Variants in PIM2 observed in about 807,000 individuals in gnomAD.
PIM2 encodes the protein serine/threonine-protein kinase pim-2.
A neutral mutation model predicts 18.0 loss-of-function variants in PIM2; 3 were observed. The ratio of observed to expected loss-of-function variants is 0.17; its 90% CI spans 0.08 to 0.43. The LOEUF is 0.43. PIM2 is among the 20% of genes least tolerant of loss of function. The pLI, the probability that PIM2 is intolerant of heterozygous loss-of-function variation, is 0.99. For synonymous variants in PIM2, 117 were observed against 105.3 expected (o/e 1.11, Z -0.68); for missense variants, 181 against 260.8 (o/e 0.69, Z 2.11).
Position 48,913,583 on chromosome X carries a change from G to C in PIM2, c.*548C>G, listed in dbSNP as rs2063554302. The C allele has an allele frequency of 9.8e-6, 1 of 101,858 alleles. No homozygotes were observed. Among genetic ancestry groups the C allele is most frequent in the Non-Finnish European group, 2.0e-5 (1 of 49,960 alleles). 8.4% of individuals were successfully genotyped at this position (101,858 alleles called of 1,213,427 possible). A position where few individuals can be genotyped will look rare whatever the true frequency, so the allele number is the denominator to read the frequency against. ...AAAAAAAAAAAAAAAAAGAAGCCTT[G>C]GGGTAACAACAGGGCATTACCTCCC... On this transcript the variant is annotated 3_prime_UTR_variant, in exon 6 of 6. Transcript: ENST00000376509.
At chrX:48,917,465 C>T (rs1050572307) in intron 3 of PIM2, among the ~76,000 whole-genome samples, 2 of 113,388 alleles carry the variant, frequency 1.8e-5, no homozygotes, top group Admixed American at 1.8e-4. Context: ...AGCGTTATAA[C>T]GGCAAGAGAG....
chrX:48,916,131 C>T (rs1157855597), intron 3 of PIM2, among the ~76,000 whole-genome samples: 1 of 112,389 alleles, frequency 8.9e-6, no homozygotes, highest in African/African-American at 3.2e-5. Context: ...TGTTCACGGA[C>T]GTATATGAAG....
At chrX:48,915,727 A>G (rs1339809876) in intron 3 of PIM2, 1 of 181,555 alleles carries the variant, frequency 5.5e-6, no homozygotes, top group Non-Finnish European at 1.0e-5. Flanking sequence ...CTTGAGCCCA[A>G]GAGTTCAAGA....
At chrX:48,917,391 C>T (rs1557045367) in intron 3 of PIM2, among the ~76,000 whole-genome samples, 1 of 112,448 alleles carries the variant, frequency 8.9e-6, no homozygotes. Flanking sequence ...CGCAGTTTCC[C>T]CTAGAGCCCG....
intron 3 of PIM2, among the ~76,000 whole-genome samples, chrX:48,917,200 C>G (rs782365867): frequency 1.3e-3 from 144 of 111,325 alleles, no homozygotes; most frequent in Non-Finnish European, 2.4e-3. Context: ...AATCCGCCCC[C>G]CACTGCCTCC....
intron 3 of PIM2, 111 bp from the exon 4 acceptor site, chrX:48,915,503 G>A: frequency 1.3e-6 from 1 of 755,441 alleles, no homozygotes; most frequent in South Asian, 2.8e-5. Flanking sequence ...TCCTGACAGT[G>A]TGTCGCTAAG....
chrX:48,917,653 G>T, intron 3 of PIM2, 128 bp downstream of exon 3: 1 of 512,500 alleles, frequency 2.0e-6, no homozygotes, highest in South Asian at 2.8e-5. Context: ...CCCCAAGGGA[G>T]TATAAATGGG....
At position 48,916,090 on chromosome X, in the gene PIM2, C is replaced by A. The variant is rs373118978; in HGVS notation, c.223-698G>T. Among the ~76,000 whole-genome samples, 23 of 112,576 alleles carry A rather than the reference C, an allele frequency of 2.0e-4. No individual in the cohort carries two copies. The South Asian group carries it at 7.9e-3, about 39-fold the overall frequency. On this transcript the variant is annotated intron_variant, in intron 3 of 5. Transcript: ENST00000376509. The stretch of plus-strand genomic sequence containing the variant: ...TGGGCTCTGACAAGCAGTTAGCACT[C>A]AATAAACACTTATTGTGTAATGGTT...
chrX:48,914,898 T>G (rs2063558752), intron 4 of PIM2, 122 bp downstream of exon 4: 1 of 621,998 alleles, frequency 1.6e-6, no homozygotes, highest in Non-Finnish European at 2.5e-6. Flanking sequence ...GTATTAGCAA[T>G]CGATCATCTT....
chrX:48,917,846 C>G lies in PIM2; in HGVS notation c.172-15G>C. 8.5e-7 allele frequency: 1 copy of G among 1,182,026 alleles called. No homozygotes were observed. The highest frequency in any genetic ancestry group is 1.8e-5 in the African/African-American group (1 of 56,807). Reference sequence around the variant, plus strand: ...TTGATGGCCACCTGGAGAAGAAGGCCGTGATAAGGAGGCCAGCAGGTGATC... The same window carrying G: ...TTGATGGCCACCTGGAGAAGAAGGCGGTGATAAGGAGGCCAGCAGGTGATC... On this transcript the variant is annotated splice_polypyrimidine_tract_variant and intron_variant, in intron 2 of 5. Coordinates refer to ENST00000376509, the MANE Select transcript of PIM2 (RefSeq NM_006875.4).
chrX:48,916,611 G>A lies in PIM2; in HGVS notation c.222+1170C>T, dbSNP rs189380831. Among the ~76,000 whole-genome samples, 3 of 112,462 alleles carry A rather than the reference G, an allele frequency of 2.7e-5. No homozygotes were observed. The East Asian group carries it at 8.3e-4, about 31-fold the overall frequency. ...CGCCTGTAATCCCAGCACTTTGGGA[G>A]GCCCAAGGCGGGCAGATCACTAGGT... is the stretch of plus-strand genomic sequence containing the variant. On this transcript the variant is annotated intron_variant, in intron 3 of 5. Coordinates refer to ENST00000376509, the MANE Select transcript of PIM2 (RefSeq NM_006875.4).
Position 48,913,968 on chromosome X carries a change from T to C in PIM2, c.*163A>G, listed in dbSNP as rs2063556143. On this transcript the variant is annotated 3_prime_UTR_variant, in exon 6 of 6. Transcript: ENST00000376509. ...AAGGGAACTGGGCAGACTTGGTTTA[T>C]GTCTTCTAACCCCTGATCCTCAATC... The C allele has an allele frequency of 2.5e-6, 1 of 402,939 alleles. No individual in the cohort carries two copies. The highest frequency in any genetic ancestry group is 4.3e-6 in the Non-Finnish European group (1 of 232,894). The allele number at this position is 402,939 out of a possible 1,213,427, so 33.2% of individuals were successfully genotyped here. A position where few individuals can be genotyped will look rare whatever the true frequency, so the allele number is the denominator to read the frequency against.
At chrX:48,917,926 C>A in intron 2 of PIM2, 95 bp from the exon 3 acceptor site, 1 of 670,643 alleles carries the variant, frequency 1.5e-6, no homozygotes, top group Non-Finnish European at 2.4e-6. Flanking sequence ...CCTCCATCTA[C>A]CAGCACTCTA....
rs781880440 is a variant in PIM2 at position 48,918,306 on chromosome X, C to A, written c.171+230G>T. Among the ~76,000 whole-genome samples, 9 of 75,098 alleles carry A rather than the reference C, an allele frequency of 1.2e-4. No homozygotes were observed. In the South Asian group the frequency reaches 6.4e-3, roughly 53 times the overall value. The allele number at this position is 75,098 out of a possible 115,157, so 65.2% of individuals were successfully genotyped here. On this transcript the variant is annotated intron_variant, in intron 2 of 5. Coordinates refer to ENST00000376509, the MANE Select transcript of PIM2 (RefSeq NM_006875.4). ...GGAATCTGAAGCCCCCTGCCCCCCC[C>A]CCCCGCCCATAACCTCCTAGACCGA...
chrX:48,918,309 C>A (rs1465695963), intron 2 of PIM2, among the ~76,000 whole-genome samples: 1 of 76,108 alleles, frequency 1.3e-5, no homozygotes, highest in Non-Finnish European at 2.5e-5. Flanking sequence ...CCCCCCCCCC[C>A]CGCCCATAAC....
In PIM2 at chrX:48,918,801, G is replaced by C. The variant is rs782803981; in HGVS notation, c.34C>G (p.Pro12Ala). 1 of 1,194,023 alleles carries C rather than the reference G, an allele frequency of 8.4e-7. No homozygotes were observed. Among genetic ancestry groups the C allele is most frequent in the Admixed American group, 2.5e-5 (1 of 40,307 alleles). Residue 12 changes from proline to alanine, a missense_variant, in exon 1 of 6, where the codon CCC (proline) becomes GCC (alanine). Physicochemically the swap from Pro to Ala is conservative, Grantham distance 27 (BLOSUM62 -1). Around this residue, in one of 5 missense-constraint regions of PIM2, gnomAD observed 104 missense variants for 125.3 expected, o/e 0.83. Coordinates refer to ENST00000376509, the MANE Select transcript of PIM2 (RefSeq NM_006875.4). ...GGCGGCGGCGTGGGGGTCCCGGGGG[G>C]CGCGGGAGGCCCCTGTAGAGGCTTG... ...LTKPLQGPPA[P>A]PGTPTPPPGG...
Position 48,914,246 on chromosome X carries a change from C to G in PIM2, c.821G>C (p.Arg274Pro), listed in dbSNP as rs782581163. ...RRCLAPKPSS[R>P]PSLEEILLDP... ...CAGCAGGATCTCTTCCAGTGAGGGT[C>G]GGGAAGAAGGTTTGGGGGCCAGGCA... is the stretch of plus-strand genomic sequence containing the variant. The change falls in exon 6 of 6, where the codon CGA becomes CCA. Residue 274 changes from arginine to proline, a missense_variant. Physicochemically the swap from Arg to Pro is moderately radical, Grantham distance 103. This residue lies in a region of PIM2 where 41 missense variants were observed against 52.0 expected (regional missense o/e 0.79). Transcript: ENST00000376509. 8.3e-7 allele frequency: 1 copy of G among 1,206,457 alleles called. No homozygotes were observed. The highest frequency in any genetic ancestry group is 1.8e-5 in the South Asian group (1 of 56,131).
Position 48,918,611 on chromosome X carries a change from A to G in PIM2, c.96T>C (p.Tyr32=), listed in dbSNP as rs1557045543. 8.3e-7 allele frequency: 1 copy of G among 1,204,140 alleles called. No homozygotes were observed. Among genetic ancestry groups the G allele is most frequent in the South Asian group, 1.8e-5 (1 of 56,584 alleles). ...CCTTACCCAGGAGGGGGCCGAGTCG[A>G]TACTCGGCCTCGAACGCTTCCCGAT... ...GKDREAFEAE[Y]RLGPLLGKGG... The change falls in exon 2 of 6, where the codon TAT becomes TAC. Residue 32 remains tyrosine (Y), a synonymous_variant. Transcript: ENST00000376509.
intron 2 of PIM2, among the ~76,000 whole-genome samples, 170 bp downstream of exon 2, chrX:48,918,348 CACACACACCTGGCCCTCT>C (rs2063569291): frequency 2.2e-5 from 2 of 89,507 alleles, no homozygotes; most frequent in African/African-American, 8.4e-5. Context: ...CACGCGCACG[CACACACACCTGGCCCTCT>C]ACACACACTG....
Sources: gnomAD v4.1 joint callset for allele counts (sites outside exome capture counted in the v4.1 genomes callset) on GRCh38, gnomAD v4.1.1 for gene constraint, gnomAD v4.1.1 regional missense constraint, MANE v1.5 for transcripts, NCBI Gene and HGNC (gene_info 2026-07-23, HGNC 2026-07-21) for gene names.